The following SLC30A10 variants were observed in gnomAD, a reference collection of about 807,000 sequenced individuals.
The protein encoded by SLC30A10 is calcium/manganese antiporter SLC30A10.
A neutral mutation model predicts 21.7 loss-of-function variants in SLC30A10; 8 were observed. The observed-to-expected ratio is 0.37, with a 90% confidence interval of 0.22 to 0.67. The LOEUF (loss-of-function observed/expected upper bound fraction) is 0.67, where lower values mean the gene tolerates loss of function less well. SLC30A10 is among the 30% of genes least tolerant of loss of function. The pLI is 0.58. For synonymous variants in SLC30A10, 272 were observed against 279.4 expected (o/e 0.97, Z 0.26); for missense variants, 521 against 642.5 (o/e 0.81, Z 2.04).
rs2102522336 is a variant in SLC30A10 at position 219,913,019 on chromosome 1, A to G, written c.*2430T>C. ...TTATCAGCTGCTACTGCCACCAAGC[A>G]GGGCTGATTTAAAGGGAAAAAGAAA... On this transcript the variant is annotated 3_prime_UTR_variant, in exon 4 of 4. Coordinates refer to ENST00000366926, the MANE Select transcript of SLC30A10 (RefSeq NM_018713.3). 6.6e-6 allele frequency among the ~76,000 whole-genome samples: 1 copy of G among 152,312 alleles called. No individual in the cohort carries two copies. Among genetic ancestry groups the G allele is most frequent in the East Asian group, 1.9e-4 (1 of 5,192 alleles).
intron 2 of SLC30A10, among the ~76,000 whole-genome samples, chr1:219,919,323 G>T (rs1255074982): frequency 1.3e-5 from 2 of 152,046 alleles, no homozygotes; most frequent in African/African-American, 4.8e-5. Context: ...TGGTTTTGGG[G>T]GATTTTGTTT....
chr1:219,952,551 A>G (rs920076736), intron 1 of SLC30A10, among the ~76,000 whole-genome samples: 1 of 133,772 alleles, frequency 7.5e-6, no homozygotes, highest in Admixed American at 7.9e-5. Context: ...GTACCCTACT[A>G]TTAACTAGCT....
At chr1:219,947,391 G>A (rs1660200377) in intron 1 of SLC30A10, among the ~76,000 whole-genome samples, 1 of 152,070 alleles carries the variant, frequency 6.6e-6, no homozygotes, top group Admixed American at 6.6e-5. Context: ...TAATGGTTGG[G>A]TATGGTTGGC....
rs1659468188 is a variant in SLC30A10 at position 219,913,802 on chromosome 1, C to T, written c.*1647G>A. On this transcript the variant is annotated 3_prime_UTR_variant, in exon 4 of 4. Coordinates refer to ENST00000366926, the MANE Select transcript of SLC30A10 (RefSeq NM_018713.3). ...TTCAAGGAATAAAGAATTTCCTGGCCAGGTGCAGTGGCTCATGACTGTTCT... is the reference window on the plus strand; with the variant it reads ...TTCAAGGAATAAAGAATTTCCTGGCTAGGTGCAGTGGCTCATGACTGTTCT... The T allele has an allele frequency of 6.6e-6, 1 of 152,114 alleles. No homozygotes were observed. The highest frequency in any genetic ancestry group is 1.9e-4 in the East Asian group (1 of 5,190). 9.4% of individuals were successfully genotyped at this position (152,114 alleles called of 1,614,324 possible).
chr1:219,951,590 G>A (rs1044196990), intron 1 of SLC30A10, among the ~76,000 whole-genome samples: 5 of 151,718 alleles, frequency 3.3e-5, no homozygotes, highest in Non-Finnish European at 7.4e-5. Context: ...GTGTGGTGGC[G>A]GGTGCCTGTA....
At chr1:219,916,072 T>G (rs1364974896) in intron 3 of SLC30A10, 124 bp from the exon 4 acceptor site, 2 of 1,225,914 alleles carry the variant, frequency 1.6e-6, no homozygotes, top group African/African-American at 3.0e-5. Context: ...TACGAACAGC[T>G]GGAAGAAATT....
intron 2 of SLC30A10, among the ~76,000 whole-genome samples, chr1:219,919,776 C>CAAA (rs34386881): frequency 3.5e-5 from 4 of 114,556 alleles, no homozygotes; most frequent in African/African-American, 9.6e-5. Flanking sequence ...AACTCTGTCT[C>CAAA]AAAAAAAAAA....
chr1:219,945,270 T>G (rs115853879), intron 1 of SLC30A10, among the ~76,000 whole-genome samples: 1 of 152,218 alleles, frequency 6.6e-6, no homozygotes, highest in Non-Finnish European at 1.5e-5. Context: ...ACTACACTTG[T>G]GACAAAAATC....
intron 1 of SLC30A10, 119 bp downstream of exon 1, chr1:219,927,682 A>AAC (rs1553313734): frequency 4.5e-5 from 21 of 471,404 alleles, no homozygotes; most frequent in East Asian, 5.3e-5. Flanking sequence ...CAACAACAAA[A>AAC]AAAAAAAAAC....
intron 1 of SLC30A10, among the ~76,000 whole-genome samples, chr1:219,947,459 G>A (rs1007806527): frequency 6.6e-6 from 1 of 152,120 alleles, no homozygotes; most frequent in Non-Finnish European, 1.5e-5. Flanking sequence ...CTTGAGCCTG[G>A]GAGGTTGAGG....
upstream of SLC30A10, among the ~76,000 whole-genome samples, chr1:219,958,921 T>G (rs1660386639): frequency 1.3e-5 from 2 of 151,558 alleles, no homozygotes; most frequent in South Asian, 2.1e-4. Context: ...GGAGAGGGAG[T>G]TGCCAACGTA....
chr1:219,939,470 C>T (rs1660089767), intron 1 of SLC30A10, among the ~76,000 whole-genome samples: 1 of 152,030 alleles, frequency 6.6e-6, no homozygotes, highest in Non-Finnish European at 1.5e-5. Context: ...CTCTGTCGCC[C>T]AGGCTGCAGT....
chr1:219,928,144 C>T lies in SLC30A10; in HGVS notation c.297G>A (p.Glu99=). 3 of 1,562,600 alleles carry T rather than the reference C, an allele frequency of 1.9e-6. No homozygotes were observed. The highest frequency in any genetic ancestry group is 2.6e-6 in the Non-Finnish European group (3 of 1,153,858). Residue 99 remains glutamate, a synonymous_variant, in exon 1 of 4, where the codon GAG becomes GAA. Coordinates refer to ENST00000366926, the MANE Select transcript of SLC30A10 (RefSeq NM_018713.3). This position sits in a 1 kb window ranked among gnomAD's most constrained non-coding sequence, Gnocchi z 6.3. ...CGGGCCGGGCCAGGCGCAGCACGGC[C>T]TCCACGAAGATGGTGAAGCAGAGCG... is the stretch of plus-strand genomic sequence containing the variant. ...LTALCFTIFV[E]AVLRLARPER... is the part of the protein sequence containing the mutation.
chr1:219,928,620 C>A (rs1010029903), upstream of SLC30A10: 32 of 558,992 alleles, frequency 5.7e-5, 1 homozygote, highest in Middle Eastern at 9.8e-4. This position sits in a 1 kb window ranked among gnomAD's most constrained non-coding sequence, Gnocchi z 6.3. Context: ...AGTCCCCGCA[C>A]GTCCAGAGTC....
chr1:219,957,672 C>T (rs1008467621), intron 1 of SLC30A10, among the ~76,000 whole-genome samples: 3 of 152,114 alleles, frequency 2.0e-5, no homozygotes, highest in Non-Finnish European at 4.4e-5. Context: ...TTGCCCTGTG[C>T]TGGAACCATA....
At chr1:219,940,389 C>T (rs1007999360) in intron 1 of SLC30A10, among the ~76,000 whole-genome samples, 5 of 152,222 alleles carry the variant, frequency 3.3e-5, no homozygotes, top group African/African-American at 1.2e-4. Flanking sequence ...GTCTTCCCAG[C>T]TGAGGCCTCA....
chr1:219,947,466 GA>G (rs1660201737), intron 1 of SLC30A10, among the ~76,000 whole-genome samples: 2 of 152,160 alleles, frequency 1.3e-5, no homozygotes, highest in Non-Finnish European at 2.9e-5. Flanking sequence ...CTGGGAGGTT[GA>G]GGCTGCTGTG....
Position 219,918,793 on chromosome 1 carries a change from A to G in SLC30A10, c.719-299T>C, listed in dbSNP as rs1659608665. The G allele has an allele frequency of 3.4e-6, 1 of 294,430 alleles. No individual in the cohort carries two copies. 18.2% of individuals were successfully genotyped at this position (294,430 alleles called of 1,614,324 possible). On this transcript the variant is annotated intron_variant, in intron 2 of 3. Transcript: ENST00000366926. This position sits in a 1 kb window ranked among gnomAD's most constrained non-coding sequence, Gnocchi z 4.4. ...GCCACATCGCTACCACTCACCACCCATCAAAGGGCACCAAGCTGGAAAACA... is the reference window on the plus strand; with the variant it reads ...GCCACATCGCTACCACTCACCACCCGTCAAAGGGCACCAAGCTGGAAAACA...
intron 1 of SLC30A10, among the ~76,000 whole-genome samples, chr1:219,944,842 A>G (rs1660166895): frequency 6.6e-6 from 1 of 152,210 alleles, no homozygotes; most frequent in African/African-American, 2.4e-5. Flanking sequence ...AACAAACAGA[A>G]AATGAAAAGT....
Sources: allele counts gnomAD v4.1 joint callset (sites outside exome capture counted in the v4.1 genomes callset), GRCh38; gene constraint gnomAD v4.1.1; non-coding constraint Gnocchi (gnomAD v3.1); transcripts MANE v1.5; gene names NCBI Gene and HGNC (gene_info 2026-07-23, HGNC 2026-07-21).